Variants in MYLK3 observed in about 807,000 individuals in gnomAD.
MYLK3 encodes the protein MLC kinase.
Under a neutral mutation model 76.3 loss-of-function variants are expected in MYLK3, and 55 were observed. The observed-to-expected ratio is 0.72, with a 90% CI of 0.58 to 0.90. The LOEUF (loss-of-function observed/expected upper bound fraction) is 0.90. Ranked by LOEUF, MYLK3 falls within the 40% of genes least tolerant of loss-of-function variation. The pLI, the probability that MYLK3 is intolerant of heterozygous loss-of-function variation, is 0.00. For synonymous variants in MYLK3, 416 were observed against 425.4 expected, an observed-to-expected ratio of 0.98 and a Z score of 0.27; for missense variants, 973 against 1,053.6, an observed-to-expected ratio of 0.92 and a Z score of 1.06.
intron 1 of MYLK3, chr16:46,762,997 C>T (rs1304142553): frequency 3.7e-5 from 36 of 984,848 alleles, no homozygotes; most frequent in Non-Finnish European, 4.3e-5. Flanking sequence ...CTGAAAACAC[C>T]CCCCCACACA....
In MYLK3 at chr16:46,747,969, C is replaced by T. The variant is rs371970108; in HGVS notation, c.225G>A (p.Pro75=). The change falls in exon 1 of 13, where the codon CCG becomes CCA. Residue 75 remains proline, a synonymous_variant. Coordinates refer to ENST00000394809, the MANE Select transcript of MYLK3 (RefSeq NM_182493.3). ...TGTGGGGAACCCCATCAGCCCCGCC[C>T]GGGCCCGGTGCCCGGGAGGCCTCCA... ...HRLEASRAPG[P]GGADGVPHID... The T allele has an allele frequency of 3.7e-5, 59 of 1,613,110 alleles. No homozygotes were observed. Among genetic ancestry groups the T allele is most frequent in the Middle Eastern group, 1.6e-4 (1 of 6,062 alleles).
chr16:46,746,950 C>T (rs1967036789), intron 1 of MYLK3, among the ~76,000 whole-genome samples: 1 of 152,190 alleles, frequency 6.6e-6, no homozygotes, highest in African/African-American at 2.4e-5. Context: ...AGCACGGACC[C>T]CTCTGACCCC....
At chr16:46,723,020 G>A (rs1319552914) in intron 8 of MYLK3, among the ~76,000 whole-genome samples, 4 of 151,954 alleles carry the variant, frequency 2.6e-5, no homozygotes, top group East Asian at 1.9e-4. Flanking sequence ...TAAAGTGTGC[G>A]ATTCAATTAT....
chr16:46,744,064 T>C (rs1182591087), intron 1 of MYLK3, among the ~76,000 whole-genome samples: 1 of 152,168 alleles, frequency 6.6e-6, no homozygotes, highest in Non-Finnish European at 1.5e-5. Flanking sequence ...AGATGGAGTC[T>C]CGCTGTCACC....
intron 9 of MYLK3, among the ~76,000 whole-genome samples, chr16:46,713,767 C>T (rs918747730): frequency 2.0e-5 from 3 of 152,232 alleles, no homozygotes; most frequent in African/African-American, 7.2e-5. Flanking sequence ...AACCACCATC[C>T]AACTCTCTGC....
At chr16:46,734,591 A>G (rs1440382173) in intron 3 of MYLK3, among the ~76,000 whole-genome samples, 2 of 152,138 alleles carry the variant, frequency 1.3e-5, no homozygotes, top group African/African-American at 4.8e-5. Context: ...ACTGCACTCC[A>G]GCCTGGGTGA....
intron 8 of MYLK3, among the ~76,000 whole-genome samples, chr16:46,724,928 C>A (rs1229402066): frequency 2.0e-5 from 3 of 152,172 alleles, no homozygotes; most frequent in African/African-American, 4.8e-5. Context: ...ATGACCATGG[C>A]ATGCCTTTCC....
At chr16:46,754,288 T>C (rs978521979) in intron 1 of MYLK3, among the ~76,000 whole-genome samples, 2 of 151,780 alleles carry the variant, frequency 1.3e-5, no homozygotes, top group African/African-American at 4.8e-5. Flanking sequence ...AAAGAGAAGA[T>C]TTAAAAACTC....
chr16:46,716,948 C>T (rs1966746682), intron 9 of MYLK3, among the ~76,000 whole-genome samples: 1 of 152,180 alleles, frequency 6.6e-6, no homozygotes, highest in African/African-American at 2.4e-5. Context: ...CATGCCCCTT[C>T]CCCCATACCT....
At chr16:46,713,323 G>C (rs1966704058) in intron 9 of MYLK3, among the ~76,000 whole-genome samples, 1 of 150,682 alleles carries the variant, frequency 6.6e-6, no homozygotes, top group African/African-American at 2.4e-5. Flanking sequence ...TCAGCCTCCT[G>C]AGTATCTGGG....
chr16:46,710,559 C>G, intron 11 of MYLK3, 78 bp downstream of exon 11: 1 of 1,505,454 alleles, frequency 6.6e-7, no homozygotes, highest in Non-Finnish European at 9.1e-7. Context: ...AGGACCTTCA[C>G]GGTCAGCAGT....
rs1184068917 is a variant in MYLK3 at position 46,756,387 on chromosome 16, G to A, written c.-114+6653C>T. 2.0e-4 allele frequency among the ~76,000 whole-genome samples: 30 copies of A among 152,116 alleles called. 1 individual carries two copies. The highest frequency in any genetic ancestry group is 1.9e-3 in the Admixed American group (29 of 15,268). On this transcript the variant is annotated intron_variant, in intron 1 of 11. Coordinates refer to the MYLK3 transcript ENST00000536476. ...AAGCTAAGTCCTCATTTATCTTACC[G>A]GCAACTCCATATATCATGCACAAAA...
chr16:46,748,352 G>A (rs1040633540), upstream of MYLK3: 17 of 1,323,104 alleles, frequency 1.3e-5, no homozygotes, highest in South Asian at 9.6e-5. This position sits in a 1 kb window ranked among gnomAD's most constrained non-coding sequence, Gnocchi z 4.3. Context: ...TGTGAGGAGC[G>A]CAGAGGCCCA....
rs1300303527 is a variant in MYLK3, at chr16:46,707,423, A to G, written c.*281T>C. 6.2e-6 allele frequency: 2 copies of G among 321,618 alleles called. No homozygotes were observed. Among genetic ancestry groups the G allele is most frequent in the African/African-American group, 4.3e-5 (2 of 46,448 alleles). The allele number at this position is 321,618 out of a possible 1,614,324, so 19.9% of individuals were successfully genotyped here. ...TAAATTCGACAGATGCAAAGTACCTACCTAAAGCATCCCTACACTTACCAC... is the reference window on the plus strand; with the variant it reads ...TAAATTCGACAGATGCAAAGTACCTGCCTAAAGCATCCCTACACTTACCAC... On this transcript the variant is annotated 3_prime_UTR_variant, in exon 13 of 13. Coordinates refer to ENST00000394809, the MANE Select transcript of MYLK3 (RefSeq NM_182493.3).
intron 3 of MYLK3, among the ~76,000 whole-genome samples, chr16:46,737,300 G>A (rs577393789): frequency 3.1e-4 from 47 of 152,284 alleles, no homozygotes; most frequent in African/African-American, 1.1e-3. Flanking sequence ...AGGTGAACCC[G>A]GTGAAATGCC....
intron 8 of MYLK3, among the ~76,000 whole-genome samples, chr16:46,722,941 A>T (rs1272538832): frequency 6.6e-6 from 1 of 152,172 alleles, no homozygotes; most frequent in African/African-American, 2.4e-5. Flanking sequence ...CAAACTCCCG[A>T]CCTCAGGTGA....
At chr16:46,748,897 A>G (rs1967077770), upstream of MYLK3, among the ~76,000 whole-genome samples, 1 of 152,164 alleles carries the variant, frequency 6.6e-6, no homozygotes, top group South Asian at 2.1e-4. This position sits in a 1 kb window ranked among gnomAD's most constrained non-coding sequence, Gnocchi z 4.3. Context: ...CCTTGTACCT[A>G]AAAATAGAAC....
chr16:46,714,844 G>C (rs1286983286), intron 9 of MYLK3, among the ~76,000 whole-genome samples: 2 of 152,170 alleles, frequency 1.3e-5, no homozygotes, highest in Non-Finnish European at 2.9e-5. Context: ...AAGCCCAACT[G>C]TGCCCAGTCT....
intron 12 of MYLK3, 86 bp downstream of exon 12, chr16:46,709,453 A>G (rs1966660310): frequency 6.8e-7 from 1 of 1,465,774 alleles, no homozygotes; most frequent in Non-Finnish European, 9.2e-7. Flanking sequence ...GAAAAAAAAA[A>G]AAAGAAAAGG....
Sources: gnomAD v4.1 joint callset for allele counts (sites outside exome capture counted in the v4.1 genomes callset) on GRCh38, gnomAD v4.1.1 for gene constraint, Gnocchi (gnomAD v3.1) non-coding constraint, MANE v1.5 for transcripts, NCBI Gene and HGNC (gene_info 2026-07-23, HGNC 2026-07-21) for gene names.